CA10: variants seen among roughly 807,000 people sequenced by gnomAD.
CA10 encodes the protein carbonic anhydrase 10 (inactive), also known as carbonic anhydrase-related protein 10.
Under a neutral mutation model 44.2 loss-of-function variants are expected in CA10, and 14 were observed. That is an observed-to-expected ratio of 0.32 (90% CI 0.21 to 0.50). CA10 has a LOEUF of 0.50. Among genes scored for constraint, CA10 ranks in the 20% least tolerant of loss-of-function variants. The pLI, the probability that CA10 is intolerant of heterozygous loss-of-function variation, is 0.99. For synonymous variants in CA10, 159 were observed against 141.6 expected (o/e 1.12, Z -0.87); for missense variants, 350 against 409.7 (o/e 0.85, Z 1.26).
chr17:52,072,412 A>G lies in CA10; in HGVS notation c.62-19T>C, dbSNP rs752170385. Reference sequence around the variant, plus strand: ...TGTTGAGCTAAAGGAAAAGCAAAGAAGAGAGATTAAGATGATAGCAGAGAA... The same window carrying G: ...TGTTGAGCTAAAGGAAAAGCAAAGAGGAGAGATTAAGATGATAGCAGAGAA... On this transcript the variant is annotated intron_variant, in intron 1 of 8. Transcript: ENST00000451037. 3.2e-6 allele frequency: 5 copies of G among 1,574,598 alleles called. No individual in the cohort carries two copies. The highest frequency in any genetic ancestry group is 1.7e-6 in the Non-Finnish European group (2 of 1,144,370).
chr17:51,926,116 G>A (rs1328843375), intron 3 of CA10, among the ~76,000 whole-genome samples: 1 of 152,100 alleles, frequency 6.6e-6, no homozygotes, highest in Non-Finnish European at 1.5e-5. Flanking sequence ...CTGCAGCAGA[G>A]ACCAAACACA....
At chr17:51,637,155 T>A (rs897706506) in intron 6 of CA10, among the ~76,000 whole-genome samples, 2 of 152,092 alleles carry the variant, frequency 1.3e-5, no homozygotes, top group African/African-American at 2.4e-5. Context: ...CACGTGATTG[T>A]TCTCTTCTGC....
intron 3 of CA10, among the ~76,000 whole-genome samples, chr17:51,861,476 C>A (rs1979303738): frequency 6.6e-6 from 1 of 151,156 alleles, no homozygotes; most frequent in Non-Finnish European, 1.5e-5. Context: ...AAACCCCTTT[C>A]CCCCTATTAT....
intron 3 of CA10, among the ~76,000 whole-genome samples, chr17:51,883,730 G>A (rs1353016753): frequency 6.6e-6 from 1 of 152,002 alleles, no homozygotes; most frequent in African/African-American, 2.4e-5. Flanking sequence ...GGTGCTCCAG[G>A]GCTCAGTCCT....
intron 3 of CA10, among the ~76,000 whole-genome samples, chr17:51,871,899 C>T (rs1442485257): frequency 2.0e-5 from 3 of 152,068 alleles, no homozygotes. Context: ...GTGTAGGCAA[C>T]TAATGCAAAT....
At chr17:52,085,255 G>A (rs1037266824) in intron 1 of CA10, among the ~76,000 whole-genome samples, 1 of 152,168 alleles carries the variant, frequency 6.6e-6, no homozygotes, top group Non-Finnish European at 1.5e-5. Context: ...AAGGCCCTCA[G>A]TGATTACTTA....
intron 1 of CA10, among the ~76,000 whole-genome samples, chr17:52,145,016 A>G (rs1415824838): frequency 1.3e-5 from 2 of 152,192 alleles, no homozygotes; most frequent in African/African-American, 4.8e-5. Flanking sequence ...TAGTAAGATA[A>G]GGTATAACGT....
At chr17:51,982,410 T>C (rs1335568005) in intron 2 of CA10, among the ~76,000 whole-genome samples, 1 of 151,936 alleles carries the variant, frequency 6.6e-6, no homozygotes, top group Admixed American at 6.6e-5. Flanking sequence ...TTCTGTCACT[T>C]ATGATGGAGC....
intron 1 of CA10, among the ~76,000 whole-genome samples, chr17:52,079,851 T>C (rs1351678480): frequency 1.3e-5 from 2 of 151,722 alleles, no homozygotes; most frequent in African/African-American, 2.4e-5. Context: ...ATCTCTGTCT[T>C]TCTTTGCTTT....
chr17:52,023,287 GCCCAGAAATAAA>G (rs1195330844), intron 2 of CA10, among the ~76,000 whole-genome samples: 3 of 151,760 alleles, frequency 2.0e-5, no homozygotes, highest in Non-Finnish European at 4.4e-5. Context: ...AAAATAGAGA[GCCCAGAAATAAA>G]CCCATATCCC....
chr17:52,079,456 CAA>C lies in CA10; in HGVS notation c.62-7065_62-7064del, dbSNP rs35048985. Among the ~76,000 whole-genome samples the C allele has an allele frequency of 8.7e-3, 1,082 of 125,076 alleles. 16 individuals are homozygous for C. Among genetic ancestry groups the C allele is most frequent in the South Asian group, 0.051 (194 of 3,782 alleles). 82.1% of individuals were successfully genotyped at this position (125,076 alleles called of 152,430 possible). A position where few individuals can be genotyped will look rare whatever the true frequency, so the allele number is the denominator to read the frequency against. On this transcript the variant is annotated intron_variant, in intron 1 of 8. Transcript: ENST00000451037. ...CCTGGGGGACAGAGCGAGACTCCGTCAAAAAAAAAAAAAAAATTCCATTATTT... is the reference window on the plus strand; with the variant it reads ...CCTGGGGGACAGAGCGAGACTCCGTCAAAAAAAAAAAAAATTCCATTATTT...
At chr17:52,147,819 C>T (rs1413238581) in intron 1 of CA10, among the ~76,000 whole-genome samples, 3 of 152,164 alleles carry the variant, frequency 2.0e-5, no homozygotes, top group Non-Finnish European at 2.9e-5. Flanking sequence ...TTTAAAATCC[C>T]CAAACATCCA....
intron 4 of CA10, among the ~76,000 whole-genome samples, chr17:51,689,356 C>T (rs928021394): frequency 6.6e-6 from 1 of 152,120 alleles, no homozygotes; most frequent in Non-Finnish European, 1.5e-5. Context: ...AGTCAGGATT[C>T]CAGCCCAGGG....
chr17:51,969,491 A>G (rs994198174), intron 2 of CA10, among the ~76,000 whole-genome samples: 1 of 152,028 alleles, frequency 6.6e-6, no homozygotes, highest in African/African-American at 2.4e-5. Flanking sequence ...TAGTTTTTCA[A>G]ATGTGATGCC....
At position 52,037,276 on chromosome 17, in the gene CA10, A is replaced by G. The variant is rs184137675; in HGVS notation, c.136+35043T>C. 1.2e-3 allele frequency among the ~76,000 whole-genome samples: 184 copies of G among 152,294 alleles called. 5 individuals carry two copies. In the South Asian group the frequency reaches 0.023, roughly 19 times the overall value. On this transcript the variant is annotated intron_variant, in intron 2 of 8. Coordinates refer to ENST00000451037, the MANE Select transcript of CA10 (RefSeq NM_020178.5). The stretch of plus-strand genomic sequence containing the variant: ...AGAGAGTTCACACCAATGCTTAAAA[A>G]GTCAGCATTGAGAAGTAGAAAAGAA...
At chr17:52,038,612 T>C (rs2144186835) in intron 2 of CA10, among the ~76,000 whole-genome samples, 1 of 152,188 alleles carries the variant, frequency 6.6e-6, no homozygotes, top group South Asian at 2.1e-4. Context: ...AAAAAATGGA[T>C]TTATAAAGGA....
At chr17:52,010,506 A>C (rs1364128829) in intron 2 of CA10, among the ~76,000 whole-genome samples, 1 of 152,014 alleles carries the variant, frequency 6.6e-6, no homozygotes, top group East Asian at 1.9e-4. Flanking sequence ...TATCAATCTA[A>C]GGGGAGTAAC....
chr17:52,151,133 C>T (rs1308482236), intron 1 of CA10, among the ~76,000 whole-genome samples: 1 of 152,012 alleles, frequency 6.6e-6, no homozygotes, highest in Non-Finnish European at 1.5e-5. Context: ...CGTCATTTTC[C>T]TTAGCTCCCC....
intron 2 of CA10, among the ~76,000 whole-genome samples, chr17:51,970,099 A>C (rs1467105948): frequency 6.6e-6 from 1 of 152,012 alleles, no homozygotes; most frequent in Non-Finnish European, 1.5e-5. Context: ...CTCCAAATAG[A>C]ATTTTCATAG....
Sources: gnomAD v4.1 joint callset for allele counts (sites outside exome capture counted in the v4.1 genomes callset) on GRCh38, gnomAD v4.1.1 for gene constraint, MANE v1.5 for transcripts, NCBI Gene and HGNC (gene_info 2026-07-23, HGNC 2026-07-21) for gene names.